KLF12: variants seen among roughly 807,000 people sequenced by gnomAD.
The protein encoded by KLF12 is KLF transcription factor 12, also known as Krueppel-like factor 12.
KLF12 carries 9 observed loss-of-function variants against 37.8 expected under a neutral mutation model. The ratio of observed to expected loss-of-function variants is 0.24; its 90% CI spans 0.14 to 0.42. The LOEUF is 0.42. Among genes scored for constraint, KLF12 ranks in the 10% least tolerant of loss-of-function variants. The probability of loss-of-function intolerance (pLI) is 1.00; values close to 1 mark genes in which losing one functional copy is unlikely to be tolerated. For synonymous variants in KLF12, 208 were observed against 202.1 expected (o/e 1.03, Z -0.25); for missense variants, 411 against 516.0 (o/e 0.80, Z 1.97).
chr13:73,986,334 T>C (rs1891828203), intron 2 of KLF12, among the ~76,000 whole-genome samples: 1 of 152,202 alleles, frequency 6.6e-6, no homozygotes, highest in African/African-American at 2.4e-5. Flanking sequence ...CAAAAGTGAT[T>C]TGAATGGACT....
intron 4 of KLF12, among the ~76,000 whole-genome samples, chr13:73,823,324 A>G (rs928377700): frequency 2.0e-5 from 3 of 152,074 alleles, no homozygotes; most frequent in African/African-American, 7.2e-5. Flanking sequence ...CTGCTTTTAT[A>G]TCAACTATGC....
the KLF12 span, among the ~76,000 whole-genome samples, chr13:74,171,972 C>T: frequency 6.6e-6 from 1 of 152,072 alleles, no homozygotes; most frequent in African/African-American, 2.4e-5. Context: ...ATAATTGGCC[C>T]ACCATTCTAA....
the KLF12 span, among the ~76,000 whole-genome samples, chr13:74,276,041 G>A: frequency 1.2e-4 from 18 of 151,052 alleles, no homozygotes; most frequent in Admixed American, 2.7e-4. Context: ...TACATATGCC[G>A]TGGTGGTTTG....
chr13:73,783,352 G>T (rs111746686), intron 5 of KLF12, among the ~76,000 whole-genome samples: 7 of 152,076 alleles, frequency 4.6e-5, no homozygotes, highest in South Asian at 4.2e-4. Flanking sequence ...AGGATGAAGA[G>T]ATGTTCATTA....
At chr13:73,790,094 CACT>C (rs1881596699) in intron 5 of KLF12, among the ~76,000 whole-genome samples, 2 of 152,254 alleles carry the variant, frequency 1.3e-5, no homozygotes, top group Admixed American at 1.3e-4. Flanking sequence ...GCATAATCAC[CACT>C]GAGTACACAA....
At chr13:73,915,812 G>T (rs1303802349) in intron 3 of KLF12, among the ~76,000 whole-genome samples, 1 of 151,110 alleles carries the variant, frequency 6.6e-6, no homozygotes, top group Non-Finnish European at 1.5e-5. Flanking sequence ...GATTACAGGC[G>T]TGAGCCACGG....
At chr13:74,158,107 G>A in the KLF12 span, among the ~76,000 whole-genome samples, 8 of 152,188 alleles carry the variant, frequency 5.3e-5, no homozygotes, top group Non-Finnish European at 1.0e-4. Flanking sequence ...GGGCATGTTT[G>A]GGCTTGACTG....
the KLF12 span, among the ~76,000 whole-genome samples, chr13:74,292,071 G>A: frequency 3.9e-5 from 6 of 152,178 alleles, no homozygotes; most frequent in Non-Finnish European, 5.9e-5. Context: ...AAGTTTAATT[G>A]CAGTAAAAAG....
At chr13:74,067,812 C>T (rs1874005285) in intron 1 of KLF12, among the ~76,000 whole-genome samples, 2 of 152,170 alleles carry the variant, frequency 1.3e-5, no homozygotes, top group African/African-American at 4.8e-5. Context: ...TCTTATTTAA[C>T]ATTTTTATAA....
chr13:73,851,532 C>A (rs532933479), intron 3 of KLF12, among the ~76,000 whole-genome samples: 1 of 152,248 alleles, frequency 6.6e-6, no homozygotes, highest in South Asian at 2.1e-4. Context: ...TTTCTTAATT[C>A]CACAGTATAA....
At chr13:74,034,050 CT>C (rs897250327) in intron 1 of KLF12, among the ~76,000 whole-genome samples, 1 of 151,564 alleles carries the variant, frequency 6.6e-6, no homozygotes, top group Non-Finnish European at 1.5e-5. Flanking sequence ...TACGCATTCA[CT>C]TTTTTTGTTT....
intron 7 of KLF12, among the ~76,000 whole-genome samples, chr13:73,703,895 T>A (rs1277646562): frequency 6.6e-6 from 1 of 152,198 alleles, no homozygotes; most frequent in Non-Finnish European, 1.5e-5. Context: ...CAGACAATAG[T>A]GTTAACAAAC....
At chr13:74,072,953 C>G (rs1029539498) in intron 1 of KLF12, among the ~76,000 whole-genome samples, 5 of 152,222 alleles carry the variant, frequency 3.3e-5, no homozygotes, top group African/African-American at 1.2e-4. Flanking sequence ...ATGGGAGGGA[C>G]CCGGTGGGAT....
chr13:73,706,106 C>T (rs902287085), intron 7 of KLF12, among the ~76,000 whole-genome samples: 2 of 152,110 alleles, frequency 1.3e-5, no homozygotes, highest in Admixed American at 6.5e-5. Context: ...GAGCCGAGAT[C>T]GTGCCACTGT....
rs148854161 is a variant in KLF12 at position 74,059,347 on chromosome 13, G to C, written c.-31-64294C>G. ...ATGGCAATTCTATTTTTAGTTTCTT[G>C]AGAAATCTCCAAACTGCTTTCCACA... is the stretch of plus-strand genomic sequence containing the variant. On this transcript the variant is annotated intron_variant, in intron 1 of 7. Coordinates refer to ENST00000377669, the MANE Select transcript of KLF12 (RefSeq NM_007249.5). Among the ~76,000 whole-genome samples the C allele has an allele frequency of 2.8e-3, 425 of 152,310 alleles. 1 individual carries two copies. Among genetic ancestry groups the C allele is most frequent in the Non-Finnish European group, 4.3e-3 (291 of 68,024 alleles).
Position 73,836,169 on chromosome 13 carries a change from T to G in KLF12, c.670+9658A>C, listed in dbSNP as rs576968810. On this transcript the variant is annotated intron_variant, in intron 4 of 7. Coordinates refer to ENST00000377669, the MANE Select transcript of KLF12 (RefSeq NM_007249.5). ...AGTATGTGATTATCACCCAGTAAAT[T>G]GGTAGCTCTTTTTTATTTATTGGAT... is the stretch of plus-strand genomic sequence containing the variant. Among the ~76,000 whole-genome samples, 21 of 152,258 alleles carry G rather than the reference T, an allele frequency of 1.4e-4. 1 individual carries two copies. Among genetic ancestry groups the G allele is most frequent in the African/African-American group, 5.1e-4 (21 of 41,562 alleles).
intron 1 of KLF12, among the ~76,000 whole-genome samples, chr13:74,017,934 G>A (rs575248328): frequency 6.6e-6 from 1 of 152,074 alleles, no homozygotes; most frequent in African/African-American, 2.4e-5. Context: ...ATCTCTGCTA[G>A]GCTGGGAGAG....
At chr13:73,883,526 T>C (rs553118530) in intron 3 of KLF12, among the ~76,000 whole-genome samples, 5 of 152,068 alleles carry the variant, frequency 3.3e-5, no homozygotes, top group African/African-American at 4.8e-5. Flanking sequence ...AAAAGGAAAA[T>C]AGATGGGGGA....
At position 73,878,415 on chromosome 13, in the gene KLF12, A is replaced by G. The variant is rs145828689; in HGVS notation, c.124-32042T>C. ...GACTTTCTCATTTGAATGTGGCATG[A>G]AGTGGTTCCAGGTAGGCAAAACTAA... On this transcript the variant is annotated intron_variant, in intron 3 of 7. Coordinates refer to ENST00000377669, the MANE Select transcript of KLF12 (RefSeq NM_007249.5). 1.8e-3 allele frequency among the ~76,000 whole-genome samples: 273 copies of G among 152,294 alleles called. 2 individuals are homozygous for G. Among genetic ancestry groups the G allele is most frequent in the African/African-American group, 6.3e-3 (263 of 41,560 alleles).
Sources: allele counts gnomAD v4.1 joint callset (sites outside exome capture counted in the v4.1 genomes callset), GRCh38; gene constraint gnomAD v4.1.1; transcripts MANE v1.5; gene names NCBI Gene and HGNC (gene_info 2026-07-23, HGNC 2026-07-21).